Variants in ATXN7L1 observed in about 807,000 individuals in gnomAD.
ATXN7L1 encodes ataxin 7 like 1.
ATXN7L1 carries 15 observed loss-of-function variants against 70.8 expected under a neutral mutation model. That is an observed-to-expected ratio of 0.21 (90% CI 0.14 to 0.33). The LOEUF (loss-of-function observed/expected upper bound fraction) is 0.33. Among genes scored for constraint, ATXN7L1 ranks in the 10% least tolerant of loss-of-function variants. ATXN7L1 has a pLI of 1.00. For missense variants in ATXN7L1, 975 were observed against 1,097.1 expected (o/e 0.89, Z 1.57); for synonymous variants, 440 against 445.1 (o/e 0.99, Z 0.14).
chr7:105,818,151 C>T (rs1809476017), intron 2 of ATXN7L1, among the ~76,000 whole-genome samples: 1 of 152,100 alleles, frequency 6.6e-6, no homozygotes, highest in South Asian at 2.1e-4. Context: ...GGGCTAAAAT[C>T]CTTGTCTTTT....
At chr7:105,680,224 C>T (rs1288386416) in intron 3 of ATXN7L1, among the ~76,000 whole-genome samples, 1 of 152,182 alleles carries the variant, frequency 6.6e-6, no homozygotes, top group East Asian at 1.9e-4. Context: ...ACAAGCTAGG[C>T]AGAGCCTACT....
At chr7:105,829,518 T>C (rs1157013456) in intron 2 of ATXN7L1, among the ~76,000 whole-genome samples, 1 of 152,102 alleles carries the variant, frequency 6.6e-6, no homozygotes, top group East Asian at 1.9e-4. Context: ...AAAGCTCCTA[T>C]GGGCCAGCAT....
intron 2 of ATXN7L1, among the ~76,000 whole-genome samples, chr7:105,830,000 T>G (rs981136119): frequency 1.3e-5 from 2 of 152,206 alleles, no homozygotes; most frequent in Non-Finnish European, 2.9e-5. Flanking sequence ...AGAAGCCTCC[T>G]TGTCACTGGG....
intron 2 of ATXN7L1, among the ~76,000 whole-genome samples, chr7:105,812,503 G>C (rs1808572716): frequency 6.6e-6 from 1 of 152,138 alleles, no homozygotes; most frequent in Non-Finnish European, 1.5e-5. Context: ...TTAGCTTTCT[G>C]TTCTCCACAA....
intron 2 of ATXN7L1, among the ~76,000 whole-genome samples, chr7:105,841,546 G>A (rs1813209289): frequency 6.6e-6 from 1 of 151,988 alleles, no homozygotes; most frequent in Admixed American, 6.6e-5. Flanking sequence ...TCATCCCTTT[G>A]CCCAGCAGAT....
At chr7:105,705,191 A>C (rs984190506) in intron 3 of ATXN7L1, among the ~76,000 whole-genome samples, 1 of 151,232 alleles carries the variant, frequency 6.6e-6, no homozygotes, top group Non-Finnish European at 1.5e-5. Context: ...ACGCCTGCCT[A>C]ATTATTGTAT....
intron 7 of ATXN7L1, among the ~76,000 whole-genome samples, chr7:105,630,549 C>A (rs1479972208): frequency 6.6e-6 from 1 of 151,970 alleles, no homozygotes; most frequent in Non-Finnish European, 1.5e-5. Flanking sequence ...TGGTGAAGCC[C>A]CATCTCTACA....
intron 3 of ATXN7L1, among the ~76,000 whole-genome samples, chr7:105,671,119 A>AAAAAAAAC (rs1803563987): frequency 6.8e-6 from 1 of 147,784 alleles, no homozygotes; most frequent in East Asian, 2.0e-4. Context: ...AAAAAAAAAA[A>AAAAAAAAC]AAAAAAAAAA....
At chr7:105,790,910 A>T (rs1359020582) in intron 2 of ATXN7L1, among the ~76,000 whole-genome samples, 3 of 152,140 alleles carry the variant, frequency 2.0e-5, no homozygotes, top group African/African-American at 7.2e-5. Flanking sequence ...ACAAGCCTTC[A>T]TCTGCTAGGT....
chr7:105,748,155 G>A (rs566296398), intron 3 of ATXN7L1, among the ~76,000 whole-genome samples: 9 of 150,014 alleles, frequency 6.0e-5, no homozygotes, highest in African/African-American at 2.2e-4. Context: ...GTTGATGATT[G>A]TTGTGGTGTA....
At chr7:105,702,563 C>T (rs544272610) in intron 3 of ATXN7L1, among the ~76,000 whole-genome samples, 1 of 145,560 alleles carries the variant, frequency 6.9e-6, no homozygotes, top group Non-Finnish European at 1.5e-5. Context: ...CACACACACA[C>T]AGACACACAT....
chr7:105,860,609 G>A (rs1563151099), intron 2 of ATXN7L1, among the ~76,000 whole-genome samples: 1 of 152,122 alleles, frequency 6.6e-6, no homozygotes, highest in Non-Finnish European at 1.5e-5. Flanking sequence ...GTTGTTTCAT[G>A]GGTATGAAGT....
At chr7:105,689,348 C>T (rs1338672866) in intron 3 of ATXN7L1, among the ~76,000 whole-genome samples, 1 of 152,132 alleles carries the variant, frequency 6.6e-6, no homozygotes, top group Non-Finnish European at 1.5e-5. Context: ...GGAGGGGCAA[C>T]GTGCTCTAGG....
At chr7:105,797,246 G>A (rs1413175283) in intron 2 of ATXN7L1, among the ~76,000 whole-genome samples, 1 of 152,240 alleles carries the variant, frequency 6.6e-6, no homozygotes, top group African/African-American at 2.4e-5. Flanking sequence ...ACAGCCCAGA[G>A]CCGGGCCTGG....
At chr7:105,630,160 A>C (rs1796376547) in intron 7 of ATXN7L1, among the ~76,000 whole-genome samples, 1 of 152,172 alleles carries the variant, frequency 6.6e-6, no homozygotes, top group Non-Finnish European at 1.5e-5. Context: ...CTCAATGAAC[A>C]CTTAGGTTGT....
intron 3 of ATXN7L1, among the ~76,000 whole-genome samples, chr7:105,701,405 AAC>A (rs1314870208): frequency 1.3e-5 from 2 of 152,358 alleles, no homozygotes; most frequent in South Asian, 2.1e-4. Flanking sequence ...CACACAGACA[AAC>A]ACATACACAT....
At chr7:105,620,466 T>C (rs927803663) in intron 8 of ATXN7L1, 145 bp from the exon 9 acceptor site, 1 of 808,146 alleles carries the variant, frequency 1.2e-6, no homozygotes, top group East Asian at 3.0e-5. Flanking sequence ...AAAATACTTC[T>C]GCAGTTCTGT....
At chr7:105,725,105 G>T (rs1025887915) in intron 3 of ATXN7L1, among the ~76,000 whole-genome samples, 7 of 152,164 alleles carry the variant, frequency 4.6e-5, no homozygotes, top group Non-Finnish European at 8.8e-5. Context: ...ACATCCACAG[G>T]TAGGGAGTGG....
chr7:105,876,074 C>T (rs943985707), intron 1 of ATXN7L1, among the ~76,000 whole-genome samples, 194 bp from the exon 2 acceptor site: 10 of 152,070 alleles, frequency 6.6e-5, no homozygotes, highest in Non-Finnish European at 8.8e-5. Flanking sequence ...CAGATAGGTA[C>T]CCAAAAAACT....
Sources: gnomAD v4.1 joint callset for allele counts (sites outside exome capture counted in the v4.1 genomes callset) on GRCh38, gnomAD v4.1.1 for gene constraint, MANE v1.5 for transcripts, NCBI Gene and HGNC (gene_info 2026-07-23, HGNC 2026-07-21) for gene names.